SLC24A2: variants seen among roughly 807,000 people sequenced by gnomAD.
The protein encoded by SLC24A2 is solute carrier family 24 member 2.
SLC24A2 carries 36 observed loss-of-function variants against 62.0 expected under a neutral mutation model. That is an observed-to-expected ratio of 0.58 (90% confidence interval 0.44 to 0.77). The LOEUF is 0.77. SLC24A2 is among the 30% of genes least tolerant of loss of function. The pLI is 0.00. For synonymous variants in SLC24A2, 358 were observed against 294.0 expected (o/e 1.22, Z -2.23); for missense variants, 846 against 817.9 (o/e 1.03, Z -0.42).
rs34997764 is a variant in SLC24A2, at chr9:19,604,553, G to A, written c.1079-7274C>T. On this transcript the variant is annotated intron_variant, in intron 4 of 10. Coordinates refer to ENST00000341998, the MANE Select transcript of SLC24A2 (RefSeq NM_020344.4). ...ATCCAGCTATTGGGTCAGCAAAGCC[G>A]AGTTTCTACCCTCTGGTGCATGAAA... Among the ~76,000 whole-genome samples, 565 of 152,232 alleles carry A rather than the reference G, an allele frequency of 3.7e-3. 3 individuals carry two copies. The highest frequency in any genetic ancestry group is 6.4e-3 in the Non-Finnish European group (435 of 68,012).
the SLC24A2 span, among the ~76,000 whole-genome samples, chr9:20,159,044 A>T: frequency 2.0e-5 from 3 of 151,710 alleles, no homozygotes; most frequent in Admixed American, 2.0e-4. Context: ...TCGAGTTCTC[A>T]ATAGCAACAT....
the SLC24A2 span, among the ~76,000 whole-genome samples, chr9:20,033,504 A>T: frequency 6.6e-6 from 1 of 152,226 alleles, no homozygotes; most frequent in African/African-American, 2.4e-5. Flanking sequence ...GGTGGAGGGT[A>T]GAGAGTTGAT....
chr9:20,286,629 A>G, the SLC24A2 span, among the ~76,000 whole-genome samples: 1 of 152,228 alleles, frequency 6.6e-6, no homozygotes, highest in Non-Finnish European at 1.5e-5. Flanking sequence ...AGGGAGAAGG[A>G]GAGAATGACT....
intron 2 of SLC24A2, among the ~76,000 whole-genome samples, chr9:19,680,605 C>CATATATATATATATAT (rs3086327): frequency 3.3e-4 from 48 of 147,682 alleles, no homozygotes; most frequent in South Asian, 6.5e-4. Flanking sequence ...AGTTCTATAA[C>CATATATATATATATAT]ATATATATAT....
chr9:20,125,122 C>T, the SLC24A2 span, among the ~76,000 whole-genome samples: 2 of 152,204 alleles, frequency 1.3e-5, no homozygotes, highest in African/African-American at 4.8e-5. Flanking sequence ...ATAAGAGTTC[C>T]TTTAAAAAGA....
intron 2 of SLC24A2, among the ~76,000 whole-genome samples, chr9:19,686,869 C>T (rs1819897112): frequency 6.6e-6 from 1 of 152,064 alleles, no homozygotes; most frequent in Non-Finnish European, 1.5e-5. Context: ...ACAGCAAAGA[C>T]ATGGAATAAA....
At position 19,550,131 on chromosome 9, in the gene SLC24A2, A is replaced by C; in HGVS notation, c.1479+6T>G. ...AAGGGAACTATTTTTAAAATGCTTT[A>C]CTTACAGGTTTGCGAACGTCAGGTA... is the stretch of plus-strand genomic sequence containing the variant. On this transcript the variant is annotated splice_donor_region_variant and intron_variant, in intron 8 of 10. Coordinates refer to ENST00000341998, the MANE Select transcript of SLC24A2 (RefSeq NM_020344.4). The C allele has an allele frequency of 6.2e-7, 1 of 1,613,488 alleles. No individual in the cohort carries two copies. The highest frequency in any genetic ancestry group is 8.5e-7 in the Non-Finnish European group (1 of 1,179,556).
the SLC24A2 span, among the ~76,000 whole-genome samples, chr9:20,296,893 C>T: frequency 5.9e-5 from 9 of 152,128 alleles, no homozygotes; most frequent in African/African-American, 1.7e-4. Flanking sequence ...AAAATATGCA[C>T]GTTATTATTA....
At chr9:20,190,641 G>A in the SLC24A2 span, among the ~76,000 whole-genome samples, 1 of 152,062 alleles carries the variant, frequency 6.6e-6, no homozygotes, top group African/African-American at 2.4e-5. Context: ...GTAAGTTATG[G>A]ATAAATCAAG....
the SLC24A2 span, among the ~76,000 whole-genome samples, chr9:20,287,155 TC>T: frequency 6.6e-6 from 1 of 152,072 alleles, no homozygotes; most frequent in African/African-American, 2.4e-5. Flanking sequence ...TAAGCACAAA[TC>T]CTCCACCATG....
chr9:20,051,657 C>CTCTCTTTTTTTTTT, the SLC24A2 span, among the ~76,000 whole-genome samples: 4 of 73,510 alleles, frequency 5.4e-5, no homozygotes, highest in African/African-American at 1.8e-4. Flanking sequence ...TTTTCTTTCT[C>CTCTCTTTTTTTTTT]TTTTTTTTTT....
At chr9:19,694,964 G>C (rs1012964265) in intron 2 of SLC24A2, among the ~76,000 whole-genome samples, 3 of 151,834 alleles carry the variant, frequency 2.0e-5, no homozygotes, top group African/African-American at 7.3e-5. Flanking sequence ...ATGGGAGCTG[G>C]GGAGAAGCAA....
At chr9:19,677,050 C>T (rs1819581855) in intron 2 of SLC24A2, among the ~76,000 whole-genome samples, 1 of 152,154 alleles carries the variant, frequency 6.6e-6, no homozygotes, top group African/African-American at 2.4e-5. Flanking sequence ...AAGACAGAAA[C>T]ATCATTCAAT....
At chr9:19,516,543 T>TC in intron 10 of SLC24A2, 141 bp from the exon 11 acceptor site, 2 of 1,059,090 alleles carry the variant, frequency 1.9e-6, no homozygotes, top group Non-Finnish European at 2.7e-6. Flanking sequence ...TCACTATGAC[T>TC]CGGGCATGGT....
the SLC24A2 span, among the ~76,000 whole-genome samples, chr9:19,962,636 G>C: frequency 6.6e-6 from 1 of 152,156 alleles, no homozygotes; most frequent in African/African-American, 2.4e-5. Flanking sequence ...TTGTGAATGG[G>C]AGTTCACTCA....
the SLC24A2 span, among the ~76,000 whole-genome samples, chr9:20,172,162 C>G: frequency 6.6e-6 from 1 of 151,712 alleles, no homozygotes; most frequent in Non-Finnish European, 1.5e-5. Flanking sequence ...ATTCTTCAAA[C>G]TGAACAATGA....
At chr9:19,561,272 C>A (rs568854765) in intron 7 of SLC24A2, among the ~76,000 whole-genome samples, 1 of 151,650 alleles carries the variant, frequency 6.6e-6, no homozygotes, top group Admixed American at 6.6e-5. Flanking sequence ...CTACTCTGTT[C>A]TTATCCTCTA....
At chr9:20,247,574 A>G in the SLC24A2 span, among the ~76,000 whole-genome samples, 100,403 of 152,084 alleles carry the variant, frequency 0.66, 35,648 homozygotes, top group East Asian at 0.95. Context: ...CAGGAAGCAG[A>G]CCCTCTCCAG....
intron 2 of SLC24A2, among the ~76,000 whole-genome samples, chr9:19,681,610 T>C (rs764514326): frequency 6.6e-6 from 1 of 152,164 alleles, no homozygotes; most frequent in Non-Finnish European, 1.5e-5. Flanking sequence ...TGGGTCTCCC[T>C]GGGATTTCCA....
Sources: gnomAD v4.1 joint callset for allele counts (sites outside exome capture counted in the v4.1 genomes callset) on GRCh38, gnomAD v4.1.1 for gene constraint, MANE v1.5 for transcripts, NCBI Gene and HGNC (gene_info 2026-07-23, HGNC 2026-07-21) for gene names.